FBN3: variants seen among roughly 807,000 people sequenced by gnomAD.
FBN3 encodes fibrillin 3.
Under a neutral mutation model 330.1 loss-of-function variants are expected in FBN3, and 234 were observed. That is an observed-to-expected ratio of 0.71 (90% CI 0.64 to 0.79). FBN3 has a LOEUF of 0.79. Among genes scored for constraint, FBN3 ranks in the 30% least tolerant of loss-of-function variants. The pLI is 0.00. For missense variants in FBN3, 3,606 were observed against 3,886.9 expected, an observed-to-expected ratio of 0.93 and a Z score of 1.92; for synonymous variants, 1,458 against 1,517.3, an observed-to-expected ratio of 0.96 and a Z score of 0.91.
chr19:8,141,028 T>TA (rs869253140), intron 8 of FBN3, among the ~76,000 whole-genome samples: 67 of 150,990 alleles, frequency 4.4e-4, no homozygotes, highest in Non-Finnish European at 8.4e-4. Flanking sequence ...CCGTCTCTAC[T>TA]AAAAAAATAC....
Position 8,091,567 on chromosome 19 carries a change from G to A in FBN3, c.5929C>T (p.Pro1977Ser). 2 of 1,614,070 alleles carry A rather than the reference G, an allele frequency of 1.2e-6. No individual in the cohort carries two copies. The highest frequency in any genetic ancestry group is 2.2e-5 in the East Asian group (1 of 44,870). The change falls in exon 48 of 64, where the codon CCC becomes TCC. Residue 1977 changes from proline (P) to serine (S), a missense_variant. Physicochemically the swap from Pro to Ser is moderately conservative, Grantham distance 74. Coordinates refer to ENST00000600128, the MANE Select transcript of FBN3 (RefSeq NM_032447.5). The stretch of plus-strand genomic sequence containing the variant: ...CAGGTGCCAAAGAGGCAGAGGTTGG[G>A]CTCCTCTGAGCACTCGTCGATATCT... ...CIDIDECSEE[P>S]NLCLFGTCTN...
Position 8,102,095 on chromosome 19 carries a change from G to A in FBN3, c.5089+629C>T, listed in dbSNP as rs191907676. Among the ~76,000 whole-genome samples the A allele has an allele frequency of 1.8e-4, 27 of 152,280 alleles. 1 individual carries two copies. In the South Asian group the frequency reaches 2.3e-3, roughly 13 times the overall value. On this transcript the variant is annotated intron_variant, in intron 40 of 63. Coordinates refer to ENST00000600128, the MANE Select transcript of FBN3 (RefSeq NM_032447.5). Reference sequence around the variant, plus strand: ...TATAAAGGGCAGTTCCCCTGCACGCGCTCTCTTGCCTGCCACCATGTAAGA... The same window carrying A: ...TATAAAGGGCAGTTCCCCTGCACGCACTCTCTTGCCTGCCACCATGTAAGA...
intron 61 of FBN3, 149 bp downstream of exon 61, chr19:8,074,922 G>A: frequency 9.9e-7 from 1 of 1,014,272 alleles, no homozygotes; most frequent in South Asian, 1.8e-5. Context: ...CTCCCCAGCA[G>A]TGGGGAACTC....
Position 8,138,194 on chromosome 19 carries a change from T to A in FBN3, c.1148A>T (p.His383Leu). 1 of 1,613,016 alleles carries A rather than the reference T, an allele frequency of 6.2e-7. No homozygotes were observed. Among genetic ancestry groups the A allele is most frequent in the Middle Eastern group, 1.7e-4 (1 of 6,036 alleles). Residue 383 changes from histidine to leucine, a missense_variant, in exon 10 of 64, where the codon CAT becomes CTT. His to Leu is a moderately conservative substitution (Grantham distance 99, BLOSUM62 -3). Transcript: ENST00000600128. ...GGGGATCCCACGCGCATCAGAGCCA[T>A]GGGGGTTGAGTCGCGCTGGCCCAAG... ...PPLGPARLNP[H>L]GSDARGIPSL... is the part of the protein sequence containing the mutation.
chr19:8,111,792 C>G, intron 31 of FBN3, 22 bp from the exon 32 acceptor site: 1 of 1,608,642 alleles, frequency 6.2e-7, no homozygotes, highest in South Asian at 1.1e-5. Flanking sequence ...GGAGCCCAGA[C>G]CCCCCACCCC....
Position 8,127,059 on chromosome 19 carries a change from G to GTT in FBN3, c.2297-229_2297-228dup, listed in dbSNP as rs869282535. ...GGAAATGCCAAACTGTTTTTTTTTT[G>GTT]TTTTTTTTTTTTTTTTGAGACAGAG... On this transcript the variant is annotated intron_variant, in intron 18 of 63. Coordinates refer to ENST00000600128, the MANE Select transcript of FBN3 (RefSeq NM_032447.5). Among the ~76,000 whole-genome samples, 353 of 103,858 alleles carry GTT rather than the reference G, an allele frequency of 3.4e-3. 5 individuals are homozygous for GTT. The highest frequency in any genetic ancestry group is 5.0e-3 in the Middle Eastern group (1 of 200). The allele number at this position is 103,858 out of a possible 152,430, so 68.1% of individuals were successfully genotyped here.
intron 39 of FBN3, 27 bp downstream of exon 39, chr19:8,103,535 A>G: frequency 1.2e-6 from 2 of 1,607,302 alleles, no homozygotes; most frequent in South Asian, 1.1e-5. Context: ...TGTGACTGCC[A>G]GTTCCCTAGG....
intron 56 of FBN3, among the ~76,000 whole-genome samples, chr19:8,085,121 C>T (rs891068706): frequency 6.6e-6 from 1 of 152,148 alleles, no homozygotes; most frequent in Non-Finnish European, 1.5e-5. Context: ...TCTCAGAACA[C>T]ATACACACAC....
At chr19:8,126,683 G>A (rs1222619744) in intron 19 of FBN3, 30 bp downstream of exon 19, 3 of 1,584,524 alleles carry the variant, frequency 1.9e-6, no homozygotes, top group South Asian at 2.3e-5. Flanking sequence ...CCCAGCCTCT[G>A]GAACGCCGTC....
intron 18 of FBN3, 127 bp from the exon 19 acceptor site, chr19:8,126,959 A>G: frequency 9.5e-7 from 1 of 1,049,060 alleles, no homozygotes; most frequent in South Asian, 1.9e-5. Context: ...ACAAGCATGC[A>G]GAGGGCACTG....
chr19:8,095,136 TA>T (rs2082182841), intron 46 of FBN3, among the ~76,000 whole-genome samples: 1 of 152,142 alleles, frequency 6.6e-6, no homozygotes, highest in Non-Finnish European at 1.5e-5. Context: ...CACTCCTGGC[TA>T]ATTTAAATTT....
rs2082520468 is a variant in FBN3 at position 8,109,243 on chromosome 19, G to A, written c.4602C>T (p.Cys1534=). 6.2e-7 allele frequency: 1 copy of A among 1,614,090 alleles called. No individual in the cohort carries two copies. Among genetic ancestry groups the A allele is most frequent in the South Asian group, 1.1e-5 (1 of 91,084 alleles). ...GRAWGNPCEL[C]PMANTTEYRT... is the part of the protein sequence containing the mutation. ...GGGACTCACTGGTGTTGGCCATAGG[G>A]CACAGCTCACAGGGATTGCCCCAAG... The change falls in exon 36 of 64, where the codon TGC becomes TGT. Residue 1534 remains cysteine, a synonymous_variant. Coordinates refer to ENST00000600128, the MANE Select transcript of FBN3 (RefSeq NM_032447.5). The surrounding 1 kb of genome is among the most constrained non-coding windows in gnomAD (Gnocchi z 5.2).
At chr19:8,105,444 GA>G (rs1314861256) in intron 38 of FBN3, among the ~76,000 whole-genome samples, 1 of 151,898 alleles carries the variant, frequency 6.6e-6, no homozygotes. Flanking sequence ...TTTTTGTAGA[GA>G]CAAGGTTTTG....
At chr19:8,139,407 A>G (rs1425660038) in intron 8 of FBN3, among the ~76,000 whole-genome samples, 3 of 152,154 alleles carry the variant, frequency 2.0e-5, no homozygotes, top group African/African-American at 7.2e-5. Flanking sequence ...GCTCAGTGCC[A>G]TCTCTTGTTA....
At chr19:8,083,955 A>C (rs1052537475) in intron 56 of FBN3, among the ~76,000 whole-genome samples, 2 of 151,862 alleles carry the variant, frequency 1.3e-5, no homozygotes, top group African/African-American at 4.8e-5. Context: ...GGCACCTGCC[A>C]CCACGCCCGG....
chr19:8,105,155 A>G (rs1303475135), intron 38 of FBN3, among the ~76,000 whole-genome samples: 3 of 150,828 alleles, frequency 2.0e-5, no homozygotes, highest in Non-Finnish European at 4.4e-5. Flanking sequence ...GGGTTTCACT[A>G]TGTTGGCCAG....
intron 39 of FBN3, among the ~76,000 whole-genome samples, chr19:8,103,266 C>CA (rs71165275): frequency 0.36 from 38,354 of 107,846 alleles, 8,597 homozygotes; most frequent in East Asian, 0.76. Context: ...GACTCTATCT[C>CA]AAAAAAAAAA....
intron 22 of FBN3, among the ~76,000 whole-genome samples, chr19:8,124,746 G>C (rs974610763): frequency 1.3e-5 from 2 of 151,998 alleles, no homozygotes; most frequent in Non-Finnish European, 2.9e-5. Flanking sequence ...ATGTTTACCA[G>C]GCTGGTCTTG....
chr19:8,098,075 A>G (rs1453900377), intron 41 of FBN3, among the ~76,000 whole-genome samples: 2 of 152,248 alleles, frequency 1.3e-5, no homozygotes, highest in Non-Finnish European at 2.9e-5. Context: ...TGGTTGTGTA[A>G]CACTGTGAAT....
Sources: gnomAD v4.1 joint callset for allele counts (sites outside exome capture counted in the v4.1 genomes callset) on GRCh38, gnomAD v4.1.1 for gene constraint, Gnocchi (gnomAD v3.1) non-coding constraint, MANE v1.5 for transcripts, NCBI Gene and HGNC (gene_info 2026-07-23, HGNC 2026-07-21) for gene names.